The following PREX1 variants were observed in gnomAD, a reference collection of about 807,000 sequenced individuals.
PREX1 encodes phosphatidylinositol 3,4,5-trisphosphate-dependent Rac exchanger 1 protein.
In PREX1, 41 loss-of-function variants were observed where a neutral mutation model predicts 198.3. The observed-to-expected ratio is 0.21, with a 90% CI of 0.16 to 0.27. PREX1 has a LOEUF of 0.27. Among genes scored for constraint, PREX1 ranks in the 10% least tolerant of loss-of-function variants. The pLI is 1.00. For missense variants in PREX1, 1,620 were observed against 2,200.7 expected (o/e 0.74, Z 5.28); for synonymous variants, 843 against 887.2 (o/e 0.95, Z 0.89).
intron 27 of PREX1, among the ~76,000 whole-genome samples, chr20:48,643,509 C>T (rs2089429342): frequency 6.6e-6 from 1 of 151,864 alleles, no homozygotes; most frequent in Admixed American, 6.6e-5. Flanking sequence ...AGAGTATGAT[C>T]TAATTTATAA....
rs6019366 is a variant in PREX1, at chr20:48,676,244, G to A, written c.1614C>T (p.Thr538=). The change falls in exon 14 of 40, where the codon ACC becomes ACT. Residue 538 remains threonine, a synonymous_variant. Coordinates refer to ENST00000371941, the MANE Select transcript of PREX1 (RefSeq NM_020820.4). ...TGCTCCCGGGAAGCACTGACTTGTA[G>A]GTCTTCAGGTGGTAATCACGGTCTC... ...VIKDRDYHLK[T]YKSVLPGSKL... is the part of the protein sequence containing the mutation. 6.2e-7 allele frequency: 1 copy of A among 1,614,072 alleles called. No individual in the cohort carries two copies.
Position 48,745,093 on chromosome 20 carries a change from C to T in PREX1, c.346G>A (p.Ala116Thr), listed in dbSNP as rs145026241. 25 of 1,614,002 alleles carry T rather than the reference C, an allele frequency of 1.5e-5. No individual in the cohort carries two copies. Among genetic ancestry groups the T allele is most frequent in the Middle Eastern group, 1.6e-4 (1 of 6,084 alleles). ...ILEVHKDFLA[A>T]LEYCLHPEPQ... ...TCCGGGTGTAAACAATACTCCAAGGCGGCCAAGAAATCCTTATGAACTTCC... is the reference window on the plus strand; with the variant it reads ...TCCGGGTGTAAACAATACTCCAAGGTGGCCAAGAAATCCTTATGAACTTCC... Residue 116 changes from alanine (A) to threonine (T), a missense_variant, in exon 3 of 40, where the codon GCC becomes ACC. Transcript: ENST00000371941.
chr20:48,843,744 G>C, the PREX1 span, among the ~76,000 whole-genome samples: 1 of 152,176 alleles, frequency 6.6e-6, no homozygotes, highest in African/African-American at 2.4e-5. Context: ...GTGAGGCATG[G>C]AGTTTGGACA....
intron 4 of PREX1, among the ~76,000 whole-genome samples, chr20:48,727,839 G>A (rs537465229): frequency 3.9e-5 from 6 of 152,234 alleles, no homozygotes; most frequent in South Asian, 4.2e-4. Context: ...TTTGTTCCAC[G>A]TGGCTCTCAA....
rs1361479973 is a variant in PREX1, at chr20:48,827,989, C to T, written c.-129G>A. 2 of 222,428 alleles carry T rather than the reference C, an allele frequency of 9.0e-6. No individual in the cohort carries two copies. Among genetic ancestry groups the T allele is most frequent in the East Asian group, 1.9e-4 (1 of 5,312 alleles). The allele number at this position is 222,428 out of a possible 1,614,324, so 13.8% of individuals were successfully genotyped here. A position where few individuals can be genotyped will look rare whatever the true frequency, so the allele number is the denominator to read the frequency against. On this transcript the variant is annotated 5_prime_UTR_variant, in exon 1 of 40. Coordinates refer to ENST00000371941, the MANE Select transcript of PREX1 (RefSeq NM_020820.4). This position sits in a 1 kb window ranked among gnomAD's most constrained non-coding sequence, Gnocchi z 4.1. ...GCGGCGGGCCGGGCTCCCGGCGCGG[C>T]GGGCGGGACTGGGGGCCGGGCGGCT...
At chr20:48,758,473 G>T (rs560374616) in intron 1 of PREX1, among the ~76,000 whole-genome samples, 5 of 152,286 alleles carry the variant, frequency 3.3e-5, no homozygotes, top group South Asian at 4.1e-4. Context: ...CCCGAGCTTG[G>T]GGGGGTGAAA....
At chr20:48,748,055 G>C (rs1328087861) in intron 1 of PREX1, among the ~76,000 whole-genome samples, 175 bp from the exon 2 acceptor site, 2 of 152,082 alleles carry the variant, frequency 1.3e-5, no homozygotes, top group Admixed American at 6.6e-5. Flanking sequence ...AAACACACTG[G>C]AGCAGCCCTC....
chr20:48,661,838 C>T lies in PREX1; in HGVS notation c.1739-1777G>A, dbSNP rs533419548. Among the ~76,000 whole-genome samples, 6 of 152,142 alleles carry T rather than the reference C, an allele frequency of 3.9e-5. No homozygotes were observed. The East Asian group carries it at 1.2e-3, about 30-fold the overall frequency. ...GGCCCTCATCGAGCCTCCTTCCTCT[C>T]CTCCTCCTCTCCCCACACTGTCCAG... On this transcript the variant is annotated intron_variant, in intron 15 of 39. Coordinates refer to ENST00000371941, the MANE Select transcript of PREX1 (RefSeq NM_020820.4).
At position 48,827,637 on chromosome 20, in the gene PREX1, C is replaced by T; in HGVS notation, c.219+5G>A. 7.7e-7 allele frequency: 1 copy of T among 1,304,316 alleles called. No homozygotes were observed. The highest frequency in any genetic ancestry group is 9.9e-7 in the Non-Finnish European group (1 of 1,014,164). 80.8% of individuals were successfully genotyped at this position (1,304,316 alleles called of 1,614,324 possible). A position where few individuals can be genotyped will look rare whatever the true frequency, so the allele number is the denominator to read the frequency against. The stretch of plus-strand genomic sequence containing the variant: ...GCTGTCCCCAAGCTCCCGAGCGACA[C>T]TCACCGACTGCAAGAAGCGCAAGGT... On this transcript the variant is annotated splice_donor_5th_base_variant and intron_variant, in intron 1 of 39. Transcript: ENST00000371941. The surrounding 1 kb of genome is among the most constrained non-coding windows in gnomAD (Gnocchi z 4.1).
At chr20:48,808,808 G>C (rs1300531596) in intron 1 of PREX1, among the ~76,000 whole-genome samples, 1 of 152,118 alleles carries the variant, frequency 6.6e-6, no homozygotes, top group Non-Finnish European at 1.5e-5. Context: ...TCCTAAAACA[G>C]GCTCCTGCCT....
chr20:48,636,805 C>A (rs1479297077), intron 31 of PREX1, 122 bp from the exon 32 acceptor site: 2 of 809,592 alleles, frequency 2.5e-6, no homozygotes, highest in South Asian at 4.0e-5. Flanking sequence ...TAACATCAGG[C>A]CAGAAATTAC....
chr20:48,729,170 A>G (rs2090022945), intron 4 of PREX1, among the ~76,000 whole-genome samples: 1 of 151,614 alleles, frequency 6.6e-6, no homozygotes. Context: ...TCTGCCTCCT[A>G]GGTTCAAGTG....
chr20:48,838,812 G>T, the PREX1 span, among the ~76,000 whole-genome samples: 2 of 151,934 alleles, frequency 1.3e-5, no homozygotes, highest in Non-Finnish European at 2.9e-5. Context: ...TGGATCACTT[G>T]AAGTCGAGTT....
At chr20:48,647,291 G>A (rs1324295160) in intron 25 of PREX1, among the ~76,000 whole-genome samples, 2 of 152,114 alleles carry the variant, frequency 1.3e-5, no homozygotes, top group East Asian at 1.9e-4. Flanking sequence ...GGGAGGCCAA[G>A]GCGGGTGGGT....
chr20:48,849,215 A>T, the PREX1 span, among the ~76,000 whole-genome samples: 1 of 152,218 alleles, frequency 6.6e-6, no homozygotes, highest in South Asian at 2.1e-4. Context: ...TTAACATGTC[A>T]GAGTATTCCT....
chr20:48,818,693 C>T (rs1365105431), intron 1 of PREX1, among the ~76,000 whole-genome samples: 1 of 152,242 alleles, frequency 6.6e-6, no homozygotes, highest in Non-Finnish European at 1.5e-5. Context: ...CAGTAAAGTG[C>T]TGTTATGATG....
intron 17 of PREX1, among the ~76,000 whole-genome samples, chr20:48,657,682 C>A (rs2089555986): frequency 2.0e-5 from 3 of 152,180 alleles, no homozygotes; most frequent in Non-Finnish European, 2.9e-5. Context: ...GCCAGCACGG[C>A]AGGTGCATCT....
rs1026787616 is a variant in PREX1, at chr20:48,684,909, T to C, written c.1335-3574A>G. ...CTACTGCTTCCTAAGCCAGGAATGC[T>C]GTTCCCCACACCCTCTCATGGCTGG... On this transcript the variant is annotated intron_variant, in intron 10 of 39. Transcript: ENST00000371941. The surrounding 1 kb of genome is among the most constrained non-coding windows in gnomAD (Gnocchi z 4.2). Among the ~76,000 whole-genome samples, 2 of 152,226 alleles carry C rather than the reference T, an allele frequency of 1.3e-5. No individual in the cohort carries two copies. Among genetic ancestry groups the C allele is most frequent in the African/African-American group, 4.8e-5 (2 of 41,460 alleles).
intron 35 of PREX1, among the ~76,000 whole-genome samples, 156 bp downstream of exon 35, chr20:48,632,121 C>T (rs1186904599): frequency 1.3e-5 from 2 of 152,248 alleles, no homozygotes; most frequent in African/African-American, 4.8e-5. Flanking sequence ...TTGAGAATCT[C>T]ACGCAGGCAA....
Sources: gnomAD v4.1 joint callset for allele counts (sites outside exome capture counted in the v4.1 genomes callset) on GRCh38, gnomAD v4.1.1 for gene constraint, Gnocchi (gnomAD v3.1) non-coding constraint, MANE v1.5 for transcripts, NCBI Gene and HGNC (gene_info 2026-07-23, HGNC 2026-07-21) for gene names.